Variants in PRF1 observed in about 807,000 individuals in gnomAD.
PRF1 encodes perforin 1.
PRF1 carries 11 observed loss-of-function variants against 11.7 expected under a neutral mutation model. That is an observed-to-expected ratio of 0.94 (90% confidence interval 0.59 to 1.56). PRF1 has a LOEUF of 1.56. PRF1 is among the 40% of genes most tolerant of loss of function. PRF1 has a pLI of 0.00. For synonymous variants in PRF1, 314 were observed against 327.8 expected, an observed-to-expected ratio of 0.96 and a Z score of 0.45; for missense variants, 729 against 751.0, an observed-to-expected ratio of 0.97 and a Z score of 0.34.
rs28933973 is a variant in PRF1 at position 70,599,048 on chromosome 10, G to A, written c.673C>T (p.Arg225Trp). The change falls in exon 3 of 3, where the codon CGG becomes TGG. Residue 225 changes from arginine to tryptophan, a missense_variant. Coordinates refer to ENST00000441259, the MANE Select transcript of PRF1 (RefSeq NM_001083116.3). ...ATGCGGCCACCCAGCTCCACAGCCC[G>A]GATGAAGTGGGTGCCGTAGTTGGAG... The part of the protein sequence containing the change: ...LISNYGTHFI[R>W]AVELGGRISA... 4.3e-6 allele frequency: 7 copies of A among 1,613,498 alleles called. No homozygotes were observed. The highest frequency in any genetic ancestry group is 2.2e-5 in the South Asian group (2 of 91,064).
chr10:70,598,148 A>G lies in PRF1; in HGVS notation c.1573T>C (p.Cys525Arg), dbSNP rs1464641737. 1 of 1,614,082 alleles carries G rather than the reference A, an allele frequency of 6.2e-7. No individual in the cohort carries two copies. The highest frequency in any genetic ancestry group is 2.2e-5 in the East Asian group (1 of 44,848). The change falls in exon 3 of 3, where the codon TGC (cysteine) becomes CGC (arginine). Residue 525 changes from cysteine to arginine, a missense_variant. Coordinates refer to ENST00000441259, the MANE Select transcript of PRF1 (RefSeq NM_001083116.3). The stretch of plus-strand genomic sequence containing the variant: ...GTGCCTCCTCCCAGGTGGGGCAAGC[A>G]CCTGGCATGATAGCGGAATTTTAGG... ...GHLKFRYHAR[C>R]LPHLGGGTCL...
Position 70,598,293 on chromosome 10 carries a change from C to A in PRF1, c.1428G>T (p.Gly476=). 1.9e-6 allele frequency: 3 copies of A among 1,614,006 alleles called. No individual in the cohort carries two copies. Among genetic ancestry groups the A allele is most frequent in the East Asian group, 2.2e-5 (1 of 44,892 alleles). The change falls in exon 3 of 3, where the codon GGG becomes GGT. Residue 476 remains glycine (G), a synonymous_variant. Transcript: ENST00000441259. ...GATCCCAGACCTGCAACCTCAGGGG[C>A]CCCCCTGTGGCCAGGAGCACATCCC... ...DFGDVLLATG[G]PLRLQVWDQD...
chr10:70,601,840 A>AAAAAAAAAAAGAGAAATAAAAAAAAG, intron 1 of PRF1, among the ~76,000 whole-genome samples: 1 of 97,760 alleles, frequency 1.0e-5, no homozygotes, highest in South Asian at 3.6e-4. Context: ...AAAAAAAAAA[A>AAAAAAAAAAAGAGAAATAAAAAAAAG]AAAAAGGGGC....
chr10:70,602,180 A>G (rs532801911), intron 1 of PRF1, among the ~76,000 whole-genome samples: 1 of 152,270 alleles, frequency 6.6e-6, no homozygotes, highest in Admixed American at 6.5e-5. Context: ...AGGGCTATGG[A>G]GAGCCCCCAT....
Position 70,598,578 on chromosome 10 carries a change from G to A in PRF1, c.1143C>T (p.Cys381=), listed in dbSNP as rs1178400657. 1 of 1,612,454 alleles carries A rather than the reference G, an allele frequency of 6.2e-7. No individual in the cohort carries two copies. ...RARWRDCSRP[C]PPGRQKSPRD... ...GGGGGCTCTTCTGCCGCCCTGGTGG[G>A]CACGGCCGGCTGCAGTCCCTCCAGC... The change falls in exon 3 of 3, where the codon TGC becomes TGT. Residue 381 remains cysteine (C), a synonymous_variant. Transcript: ENST00000441259.
At position 70,600,736 on chromosome 10, in the gene PRF1, G is replaced by A. The variant is rs1473399571; in HGVS notation, c.167C>T (p.Ser56Leu). The change falls in exon 2 of 3, where the codon TCG (serine) becomes TTG (leucine). Residue 56 changes from serine to leucine, a missense_variant. By Grantham distance (145) the Ser-to-Leu change is moderately radical (BLOSUM62 -2). Coordinates refer to ENST00000441259, the MANE Select transcript of PRF1 (RefSeq NM_001083116.3). The surrounding 1 kb of genome is among the most constrained non-coding windows in gnomAD (Gnocchi z 4.9). The stretch of plus-strand genomic sequence containing the variant: ...TTGTGTGTCCACTGGGAAGGAGCCC[G>A]AGCGGCGGAGGCTGGTCACGTCCAC... ...EGVDVTSLRR[S>L]GSFPVDTQRF... 13 of 1,613,310 alleles carry A rather than the reference G, an allele frequency of 8.1e-6. No homozygotes were observed. Among genetic ancestry groups the A allele is most frequent in the Non-Finnish European group, 1.1e-5 (13 of 1,179,668 alleles).
chr10:70,597,440 AT>A lies in PRF1; in HGVS notation c.*612del. On this transcript the variant is annotated 3_prime_UTR_variant, in exon 3 of 3. Transcript: ENST00000441259. ...CCTCCATTTGTCTCAGGGGCAAAGC[AT>A]TGTGGGCAAAGAAGACAGAGCAGCT... 1 of 371,520 alleles carries A rather than the reference AT, an allele frequency of 2.7e-6. No individual in the cohort carries two copies. The highest frequency in any genetic ancestry group is 3.8e-5 in the East Asian group (1 of 25,976). The allele number at this position is 371,520 out of a possible 1,614,324, so 23.0% of individuals were successfully genotyped here.
chr10:70,600,241 A>G lies in PRF1; in HGVS notation c.539+123T>C. The G allele has an allele frequency of 6.7e-7, 1 of 1,500,634 alleles. No individual in the cohort carries two copies. The highest frequency in any genetic ancestry group is 2.5e-5 in the East Asian group (1 of 40,680). The allele number at this position is 1,500,634 out of a possible 1,614,324, so 93.0% of individuals were successfully genotyped here. A position where few individuals can be genotyped will look rare whatever the true frequency, so the allele number is the denominator to read the frequency against. ...CCTGAAGTCTGAGAGCCAGGATTGC[A>G]GTTTCTTCCTGGTGGAAGCAGCCTC... On this transcript the variant is annotated intron_variant, in intron 2 of 2. Transcript: ENST00000441259. This position sits in a 1 kb window ranked among gnomAD's most constrained non-coding sequence, Gnocchi z 4.9.
chr10:70,598,964 C>T lies in PRF1; in HGVS notation c.757G>A (p.Glu253Lys), dbSNP rs771076819. The T allele has an allele frequency of 9.9e-6, 16 of 1,614,122 alleles. No individual in the cohort carries two copies. The highest frequency in any genetic ancestry group is 1.1e-5 in the South Asian group (1 of 91,088). The part of the protein sequence containing the change: ...ELALEGLTDN[E>K]VEDCLTVEAQ... ...TCGACAGTCAGGCAGTCCTCCACCT[C>T]GTTGTCCGTGAGCCCTTCCAGGGCC... Residue 253 changes from glutamate to lysine, a missense_variant, in exon 3 of 3, where the codon GAG becomes AAG. Glu to Lys is a moderately conservative substitution (Grantham distance 56). Transcript: ENST00000441259.
rs1056769079 is a variant in PRF1, at chr10:70,600,589, T to C, written c.314A>G (p.His105Arg). 5.0e-6 allele frequency: 8 copies of C among 1,613,646 alleles called. No homozygotes were observed. The African/African-American group carries it at 1.1e-4, about 22-fold the overall frequency. The change falls in exon 2 of 3, where the codon CAT becomes CGT. Residue 105 changes from histidine to arginine, a missense_variant. Physicochemically the swap from His to Arg is conservative, Grantham distance 29. Transcript: ENST00000441259. This position sits in a 1 kb window ranked among gnomAD's most constrained non-coding sequence, Gnocchi z 4.9. ...WRAQGSGCQR[H>R]VTRAKVSSTE... is the part of the protein sequence containing the mutation. ...GGAGCTGACTTTGGCCCTGGTTACA[T>C]GGCGCTGGCAGCCAGAGCCCTGGGC...
rs1369909561 is a variant in PRF1 at position 70,598,307 on chromosome 10, G to C, written c.1414C>G (p.Leu472Val). The change falls in exon 3 of 3, where the codon CTG becomes GTG. Residue 472 changes from leucine (L) to valine (V), a missense_variant. Leu to Val is a conservative substitution (Grantham distance 32). Coordinates refer to ENST00000441259, the MANE Select transcript of PRF1 (RefSeq NM_001083116.3). ...AACCTCAGGGGCCCCCCTGTGGCCAGGAGCACATCCCCAAAATCCAGCCGC... is the reference window on the plus strand; with the variant it reads ...AACCTCAGGGGCCCCCCTGTGGCCACGAGCACATCCCCAAAATCCAGCCGC... ...SVRLDFGDVLLATGGPLRLQV... is the reference protein window; with the variant it reads ...SVRLDFGDVLVATGGPLRLQV... 1 of 1,614,198 alleles carries C rather than the reference G, an allele frequency of 6.2e-7. No individual in the cohort carries two copies. The highest frequency in any genetic ancestry group is 1.7e-5 in the Admixed American group (1 of 60,020).
rs146358730 is a variant in PRF1, at chr10:70,600,540, C to T, written c.363G>A (p.Ala121=). Residue 121 remains alanine, a synonymous_variant, in exon 2 of 3, where the codon GCG becomes GCA. Transcript: ENST00000441259. This position sits in a 1 kb window ranked among gnomAD's most constrained non-coding sequence, Gnocchi z 4.9. ...TCCAGTCGTTGCGGATGCTACGAGCCGCATCCCGGGCCACAGCTTCAGTGG... is the reference window on the plus strand; with the variant it reads ...TCCAGTCGTTGCGGATGCTACGAGCTGCATCCCGGGCCACAGCTTCAGTGG... The part of the protein sequence containing the change: ...VSSTEAVARD[A]ARSIRNDWKV... 1.1e-4 allele frequency: 179 copies of T among 1,614,138 alleles called. 3 individuals carry two copies. The South Asian group carries it at 1.2e-3, about 11-fold the overall frequency.
Position 70,598,942 on chromosome 10 carries a change from ACAGT to A in PRF1, c.775_778del (p.Thr259SerfsTer7). ...GATGCCTATGTTGACCTGGGCCTCGACAGTCAGGCAGTCCTCCACCTCGTTGTCC... is the reference window on the plus strand; with the variant it reads ...GATGCCTATGTTGACCTGGGCCTCGACAGGCAGTCCTCCACCTCGTTGTCC... On this transcript the variant is annotated frameshift_variant, in exon 3 of 3. Coordinates refer to ENST00000441259, the MANE Select transcript of PRF1 (RefSeq NM_001083116.3). LOFTEE classifies it low-confidence loss of function (END_TRUNC). 6.2e-7 allele frequency: 1 copy of A among 1,614,230 alleles called. No individual in the cohort carries two copies.
chr10:70,600,983 A>G lies in PRF1; in HGVS notation c.-30-51T>C, dbSNP rs117692768. The G allele has an allele frequency of 5.9e-4, 909 of 1,534,680 alleles. 16 individuals carry two copies. In the East Asian group the frequency reaches 0.022, roughly 37 times the overall value. On this transcript the variant is annotated intron_variant, in intron 1 of 2. Transcript: ENST00000441259. This position sits in a 1 kb window ranked among gnomAD's most constrained non-coding sequence, Gnocchi z 4.9. ...GAGGATGACTGCTCCCTTCCCCCAC[A>G]GCCACAGATTATCAGGGCACATGGA...
chr10:70,597,494 A>G lies in PRF1; in HGVS notation c.*559T>C, dbSNP rs530803679. Reference sequence around the variant, plus strand: ...AGCTGATGGGGCTCCAGTTAAGGCAATGAAGGCTTTGCCACACCATAGAGG... The same window carrying G: ...AGCTGATGGGGCTCCAGTTAAGGCAGTGAAGGCTTTGCCACACCATAGAGG... On this transcript the variant is annotated 3_prime_UTR_variant, in exon 3 of 3. Coordinates refer to ENST00000441259, the MANE Select transcript of PRF1 (RefSeq NM_001083116.3). The G allele has an allele frequency of 2.5e-6, 1 of 406,594 alleles. No homozygotes were observed. Among genetic ancestry groups the G allele is most frequent in the East Asian group, 3.5e-5 (1 of 28,770 alleles). 25.2% of individuals were successfully genotyped at this position (406,594 alleles called of 1,614,324 possible).
At position 70,600,825 on chromosome 10, in the gene PRF1, G is replaced by A. The variant is rs1045076888; in HGVS notation, c.78C>T (p.Ala26=). The A allele has an allele frequency of 4.3e-6, 7 of 1,612,512 alleles. No homozygotes were observed. The highest frequency in any genetic ancestry group is 1.3e-5 in the African/African-American group (1 of 74,924). The change falls in exon 2 of 3, where the codon GCC becomes GCT. Residue 26 remains alanine (A), a synonymous_variant. Transcript: ENST00000441259. This position sits in a 1 kb window ranked among gnomAD's most constrained non-coding sequence, Gnocchi z 4.9. The part of the protein sequence containing the change: ...PLPVPAPCHT[A]ARSECKRSHK... ...GGCTGCGCTTGCACTCTGAGCGTGC[G>A]GCTGTGTGGCACGGGGCAGGGACGG...
chr10:70,602,136 C>A (rs1308599698), intron 1 of PRF1, among the ~76,000 whole-genome samples: 1 of 152,198 alleles, frequency 6.6e-6, no homozygotes, highest in African/African-American at 2.4e-5. Flanking sequence ...CTTCAAAGGC[C>A]TTTGCCCTTG....
At chr10:70,601,933 C>T (rs1405098143) in intron 1 of PRF1, among the ~76,000 whole-genome samples, 3 of 152,094 alleles carry the variant, frequency 2.0e-5, no homozygotes, top group Non-Finnish European at 4.4e-5. Context: ...CCCCTCCCCT[C>T]TTTGCCACTC....
rs867744033 is a variant in PRF1 at position 70,597,748 on chromosome 10, C to T, written c.*305G>A. Reference sequence around the variant, plus strand: ...ATCTCCCTTTTCCATCTGTCTGATGCGTATCCAATCTTTTGGCTTCTCTGG... The same window carrying T: ...ATCTCCCTTTTCCATCTGTCTGATGTGTATCCAATCTTTTGGCTTCTCTGG... On this transcript the variant is annotated 3_prime_UTR_variant, in exon 3 of 3. Transcript: ENST00000441259. The T allele has an allele frequency of 1.5e-5, 9 of 601,602 alleles. 1 individual carries two copies. The Middle Eastern group carries it at 1.8e-3, about 117-fold the overall frequency. The allele number at this position is 601,602 out of a possible 1,614,324, so 37.3% of individuals were successfully genotyped here.
Sources: gnomAD v4.1 joint callset for allele counts (sites outside exome capture counted in the v4.1 genomes callset) on GRCh38, gnomAD v4.1.1 for gene constraint, Gnocchi (gnomAD v3.1) non-coding constraint, MANE v1.5 for transcripts, NCBI Gene and HGNC (gene_info 2026-07-23, HGNC 2026-07-21) for gene names.